The following SLC35A5 variants were observed in gnomAD, a reference collection of about 807,000 sequenced individuals.
SLC35A5 encodes the protein UDP-sugar transporter protein SLC35A5.
A neutral mutation model predicts 36.3 loss-of-function variants in SLC35A5; 28 were observed. The ratio of observed to expected loss-of-function variants is 0.77; its 90% CI spans 0.57 to 1.06. The LOEUF (loss-of-function observed/expected upper bound fraction) is 1.06. Ranked by LOEUF, SLC35A5 falls within the 50% of genes least tolerant of loss-of-function variation. The pLI is 0.00. For synonymous variants in SLC35A5, 180 were observed against 173.7 expected (o/e 1.04, Z -0.29); for missense variants, 521 against 499.3 (o/e 1.04, Z -0.41).
rs1055046630 is a variant in SLC35A5 at position 112,583,548 on chromosome 3, T to G, written c.*812T>G. ...CATTTTGGAGAATAAGAGGGCATTT[T>G]ATTTTATTAGTTACTAATTCAAGCT... On this transcript the variant is annotated 3_prime_UTR_variant, in exon 7 of 7. Transcript: ENST00000492406. 6.3e-6 allele frequency: 1 copy of G among 157,894 alleles called. No individual in the cohort carries two copies. Among genetic ancestry groups the G allele is most frequent in the South Asian group, 2.0e-4 (1 of 4,890 alleles). 9.8% of individuals were successfully genotyped at this position (157,894 alleles called of 1,614,324 possible).
In SLC35A5 at chr3:112,570,671, G is replaced by A. The variant is rs1251772092; in HGVS notation, c.360+1G>A. On this transcript the variant is annotated splice_donor_variant, in intron 4 of 6. Transcript: ENST00000492406. LOFTEE classifies it high-confidence loss of function. ...CTATGTCCTGTCCTATCTTCAACCA[G>A]TAAGTAAATATGAAAAAGAAAATAC... 1.9e-6 allele frequency: 3 copies of A among 1,546,196 alleles called. No individual in the cohort carries two copies. Among genetic ancestry groups the A allele is most frequent in the Non-Finnish European group, 2.6e-6 (3 of 1,152,326 alleles).
In SLC35A5 at chr3:112,583,718, A is replaced by G. The variant is rs1490473228; in HGVS notation, c.*982A>G. On this transcript the variant is annotated 3_prime_UTR_variant, in exon 7 of 7. Transcript: ENST00000492406. ...ACACATGTTGACTTTTAACTGATGT[A>G]TGAATATTAATACTCTAAAAATAGA... 1 of 152,144 alleles carries G rather than the reference A, an allele frequency of 6.6e-6. No homozygotes were observed. Among genetic ancestry groups the G allele is most frequent in the Non-Finnish European group, 1.5e-5 (1 of 67,998 alleles). The allele number at this position is 152,144 out of a possible 1,614,324, so 9.4% of individuals were successfully genotyped here. A position where few individuals can be genotyped will look rare whatever the true frequency, so the allele number is the denominator to read the frequency against.
At chr3:112,565,959 G>A (rs1359287414) in intron 2 of SLC35A5, among the ~76,000 whole-genome samples, 1 of 152,132 alleles carries the variant, frequency 6.6e-6, no homozygotes, top group African/African-American at 2.4e-5. Flanking sequence ...AGTAAAATGA[G>A]GGACTGTTAT....
intron 6 of SLC35A5, among the ~76,000 whole-genome samples, chr3:112,581,729 T>C (rs1415166801): frequency 6.6e-6 from 1 of 152,186 alleles, no homozygotes; most frequent in Non-Finnish European, 1.5e-5. Flanking sequence ...CCACCATAGT[T>C]AGGGAAAATA....
rs1385840093 is a variant in SLC35A5, at chr3:112,580,897, C to T, written c.780C>T (p.Leu260=). The change falls in exon 6 of 7, where the codon CTC becomes CTT. Residue 260 remains leucine, a synonymous_variant. Transcript: ENST00000492406. ...AGATACTGAAGGAAGGGAACCAGCT[C>T]ACTGAAAGCATCTTCATACAGAACA... is the stretch of plus-strand genomic sequence containing the variant. ...NEKILKEGNQ[L]TESIFIQNSK... 6 of 1,614,014 alleles carry T rather than the reference C, an allele frequency of 3.7e-6. No homozygotes were observed. The African/African-American group carries it at 6.7e-5, about 18-fold the overall frequency.
chr3:112,574,050 C>A, intron 5 of SLC35A5, 94 bp downstream of exon 5: 2 of 1,129,720 alleles, frequency 1.8e-6, no homozygotes, highest in Non-Finnish European at 2.6e-6. Flanking sequence ...GTCAGAATCC[C>A]AAAGCCAGGA....
At position 112,583,743 on chromosome 3, in the gene SLC35A5, A is replaced by C. The variant is rs957526664; in HGVS notation, c.*1007A>C. On this transcript the variant is annotated 3_prime_UTR_variant, in exon 7 of 7. Transcript: ENST00000492406. ...ATGAATATTAATACTCTAAAAATAG[A>C]AAGACCAGTAATATATAAGTCACTT... 1.3e-5 allele frequency: 2 copies of C among 152,174 alleles called. No homozygotes were observed. The highest frequency in any genetic ancestry group is 2.9e-5 in the Non-Finnish European group (2 of 68,012). The allele number at this position is 152,174 out of a possible 1,614,324, so 9.4% of individuals were successfully genotyped here.
At chr3:112,566,226 A>C (rs762943278) in intron 2 of SLC35A5, among the ~76,000 whole-genome samples, 1 of 152,190 alleles carries the variant, frequency 6.6e-6, no homozygotes, top group South Asian at 2.1e-4. Context: ...GATGGAGACT[A>C]TTAGGAGGAA....
rs1935016567 is a variant in SLC35A5 at position 112,583,308 on chromosome 3, G to T, written c.*572G>T. 5.1e-6 allele frequency: 2 copies of T among 394,630 alleles called. No individual in the cohort carries two copies. Among genetic ancestry groups the T allele is most frequent in the East Asian group, 7.2e-5 (2 of 27,950 alleles). 24.4% of individuals were successfully genotyped at this position (394,630 alleles called of 1,614,324 possible). On this transcript the variant is annotated 3_prime_UTR_variant, in exon 7 of 7. Coordinates refer to ENST00000492406, the MANE Select transcript of SLC35A5 (RefSeq NM_017945.5). ...AGTCTGTGCTAAATATTTTGCTGAA[G>T]AAGCAGTTTCTCAGACACAACATCT...
At chr3:112,564,553 G>C (rs543830445) in intron 2 of SLC35A5, among the ~76,000 whole-genome samples, 2 of 152,204 alleles carry the variant, frequency 1.3e-5, no homozygotes, top group African/African-American at 4.8e-5. Context: ...GCAGGAGACA[G>C]ATGCCTTCCT....
At position 112,565,766 on chromosome 3, in the gene SLC35A5, G is replaced by C. The variant is rs138424384; in HGVS notation, c.130+2233G>C. Among the ~76,000 whole-genome samples the C allele has an allele frequency of 1.4e-4, 22 of 151,944 alleles. No individual in the cohort carries two copies. In the East Asian group the frequency reaches 3.3e-3, roughly 23 times the overall value. ...CCAGCCTGGGCAACAGAGCAAAACT[G>C]TCTCAAGAAAAAAGAAAAAAAAAAG... On this transcript the variant is annotated intron_variant, in intron 2 of 6. Coordinates refer to ENST00000492406, the MANE Select transcript of SLC35A5 (RefSeq NM_017945.5).
At position 112,563,469 on chromosome 3, in the gene SLC35A5, A is replaced by G. The variant is rs756879024; in HGVS notation, c.66A>G (p.Leu22=). Residue 22 remains leucine (L), a synonymous_variant, in exon 2 of 7, where the codon CTA becomes CTG. Coordinates refer to ENST00000492406, the MANE Select transcript of SLC35A5 (RefSeq NM_017945.5). ...CSLSTMYTFL[L]GAIFIALSSS... is the part of the protein sequence containing the mutation. ...TGTCAACAATGTATACATTCCTGCT[A>G]GGTGCCATATTCATTGCTTTAAGCT... 3.1e-6 allele frequency: 5 copies of G among 1,608,824 alleles called. No individual in the cohort carries two copies. Among genetic ancestry groups the G allele is most frequent in the Non-Finnish European group, 2.6e-6 (3 of 1,175,962 alleles).
At chr3:112,577,428 T>A (rs1934721224) in intron 5 of SLC35A5, among the ~76,000 whole-genome samples, 1 of 152,254 alleles carries the variant, frequency 6.6e-6, no homozygotes, top group Non-Finnish European at 1.5e-5. Context: ...TGTATAGATT[T>A]GTTCTTTGAA....
Position 112,580,700 on chromosome 3 carries a change from T to C in SLC35A5, c.583T>C (p.Phe195Leu), listed in dbSNP as rs140837136. ...FFSPSNSCLL[F>L]RSECPRKDNC... The stretch of plus-strand genomic sequence containing the variant: ...CAGCCCTTCCAATTCCTGCCTTCTT[T>C]TCAGAAGTGAGTGTCCCAGAAAAGA... Residue 195 changes from phenylalanine to leucine, a missense_variant, in exon 6 of 7, where the codon TTC (phenylalanine) becomes CTC (leucine). By Grantham distance (22) the Phe-to-Leu change is conservative (BLOSUM62 0). Coordinates refer to ENST00000492406, the MANE Select transcript of SLC35A5 (RefSeq NM_017945.5). The C allele has an allele frequency of 6.8e-6, 11 of 1,614,056 alleles. No homozygotes were observed. Among genetic ancestry groups the C allele is most frequent in the Admixed American group, 1.7e-5 (1 of 60,000 alleles).
intron 2 of SLC35A5, among the ~76,000 whole-genome samples, chr3:112,567,004 A>G (rs933616625): frequency 2.0e-5 from 3 of 152,110 alleles, no homozygotes; most frequent in South Asian, 2.1e-4. Flanking sequence ...AGGCGGGTGG[A>G]TCACGAGGTC....
At chr3:112,574,067 T>G (rs1285099446) in intron 5 of SLC35A5, 111 bp downstream of exon 5, 4 of 971,334 alleles carry the variant, frequency 4.1e-6, no homozygotes, top group Non-Finnish European at 6.3e-6. Context: ...AGGATTTTGT[T>G]CCTAATTGAC....
intron 4 of SLC35A5, among the ~76,000 whole-genome samples, chr3:112,572,289 T>G (rs956091406): frequency 6.6e-6 from 1 of 151,976 alleles, no homozygotes; most frequent in African/African-American, 2.4e-5. Flanking sequence ...CCCAACTGCT[T>G]TAAGTTTCAG....
At position 112,582,696 on chromosome 3, in the gene SLC35A5, C is replaced by G. The variant is rs547946846; in HGVS notation, c.1235C>G (p.Thr412Ser). 1.9e-6 allele frequency: 3 copies of G among 1,612,508 alleles called. No homozygotes were observed. The highest frequency in any genetic ancestry group is 3.3e-5 in the Admixed American group (2 of 59,930). ...GATGGAGAAGAACTAGAAAGACTTACCAAACCCAAGAGTGATGAGTCAGAT... is the reference window on the plus strand; with the variant it reads ...GATGGAGAAGAACTAGAAAGACTTAGCAAACCCAAGAGTGATGAGTCAGAT... The part of the protein sequence containing the change: ...SGDGEELERL[T>S]KPKSDESDED... The change falls in exon 7 of 7, where the codon ACC (threonine) becomes AGC (serine). Residue 412 changes from threonine to serine, a missense_variant. Thr to Ser is a moderately conservative substitution (Grantham distance 58). Transcript: ENST00000492406.
chr3:112,569,665 A>G (rs1268593486), intron 3 of SLC35A5, among the ~76,000 whole-genome samples: 4 of 152,226 alleles, frequency 2.6e-5, no homozygotes, highest in Admixed American at 6.5e-5. Flanking sequence ...ACAGGCATCA[A>G]AGAGACTGTT....
Sources: gnomAD v4.1 joint callset for allele counts (sites outside exome capture counted in the v4.1 genomes callset) on GRCh38, gnomAD v4.1.1 for gene constraint, MANE v1.5 for transcripts, NCBI Gene and HGNC (gene_info 2026-07-23, HGNC 2026-07-21) for gene names.